LINGO2: variants seen among roughly 807,000 people sequenced by gnomAD.
LINGO2 encodes the protein leucine-rich repeat and immunoglobulin-like domain-containing nogo receptor-interacting protein 2.
In LINGO2, 14 loss-of-function variants were observed where a neutral mutation model predicts 30.6. That is an observed-to-expected ratio of 0.46 (90% confidence interval 0.30 to 0.72). The LOEUF is 0.72. Among genes scored for constraint, LINGO2 ranks in the 30% least tolerant of loss-of-function variants. The pLI is 0.07. For synonymous variants in LINGO2, 317 were observed against 288.5 expected (o/e 1.10, Z -1.00); for missense variants, 729 against 751.7 (o/e 0.97, Z 0.35).
the LINGO2 span, among the ~76,000 whole-genome samples, chr9:29,160,265 A>C: frequency 6.6e-6 from 1 of 152,168 alleles, no homozygotes; most frequent in Admixed American, 6.5e-5. Flanking sequence ...CAGACCCAAT[A>C]TACTTTCCAC....
the LINGO2 span, among the ~76,000 whole-genome samples, chr9:29,015,004 T>C: frequency 1.3e-5 from 2 of 152,172 alleles, no homozygotes; most frequent in African/African-American, 2.4e-5. Flanking sequence ...ACTCTCTTAA[T>C]AGTTTTTAAG....
intron 3 of LINGO2, among the ~76,000 whole-genome samples, chr9:28,313,133 A>G (rs1372938187): frequency 2.0e-5 from 3 of 147,680 alleles, no homozygotes; most frequent in African/African-American, 7.3e-5. Flanking sequence ...TATCGTACAG[A>G]CAGTTTTGTA....
At chr9:29,085,006 G>A in the LINGO2 span, among the ~76,000 whole-genome samples, 1 of 151,670 alleles carries the variant, frequency 6.6e-6, no homozygotes, top group African/African-American at 2.4e-5. Flanking sequence ...GGTTTTTATT[G>A]CTCAATTAGA....
the LINGO2 span, among the ~76,000 whole-genome samples, chr9:28,990,709 T>A: frequency 6.6e-6 from 1 of 152,126 alleles, no homozygotes; most frequent in Non-Finnish European, 1.5e-5. Flanking sequence ...GAAAATCCGC[T>A]GTTCTGCAGC....
At chr9:28,370,246 C>T (rs531218102) in intron 3 of LINGO2, among the ~76,000 whole-genome samples, 7 of 152,282 alleles carry the variant, frequency 4.6e-5, no homozygotes, top group African/African-American at 1.4e-4. Context: ...TCTCTTCAGT[C>T]GCTCTAATGG....
intron 4 of LINGO2, among the ~76,000 whole-genome samples, chr9:28,248,331 A>G (rs905115062): frequency 3.9e-5 from 6 of 152,210 alleles, no homozygotes; most frequent in African/African-American, 1.2e-4. Flanking sequence ...GGAAGTCATT[A>G]TGTTAAGTGA....
At chr9:28,989,913 C>A in the LINGO2 span, among the ~76,000 whole-genome samples, 26 of 152,128 alleles carry the variant, frequency 1.7e-4, no homozygotes, top group Admixed American at 1.2e-3. Context: ...GTGAAGTGAG[C>A]CAAGATGGCA....
At chr9:27,938,617 G>A in the LINGO2 span, 40,954 of 151,956 alleles carry the variant, frequency 0.27, 6,037 homozygotes, top group Middle Eastern at 0.46. Flanking sequence ...GGTCCTTAAC[G>A]CCAGACTTGT....
chr9:28,339,582 C>T (rs1382235681), intron 3 of LINGO2, among the ~76,000 whole-genome samples: 1 of 152,068 alleles, frequency 6.6e-6, no homozygotes, highest in South Asian at 2.1e-4. Flanking sequence ...AACATATTTT[C>T]TGAACCTAAC....
At chr9:28,154,976 T>C (rs1418755465) in intron 4 of LINGO2, among the ~76,000 whole-genome samples, 1 of 152,264 alleles carries the variant, frequency 6.6e-6, no homozygotes, top group East Asian at 1.9e-4. Flanking sequence ...ATATTGCAAC[T>C]GCTGTTGAAT....
chr9:28,703,190 C>G, the LINGO2 span, among the ~76,000 whole-genome samples: 4 of 151,292 alleles, frequency 2.6e-5, no homozygotes, highest in Non-Finnish European at 4.4e-5. Context: ...TTTTTTATAA[C>G]GTTCTAAGGT....
chr9:28,065,468 A>C (rs1825285663), intron 4 of LINGO2, among the ~76,000 whole-genome samples: 1 of 152,106 alleles, frequency 6.6e-6, no homozygotes, highest in Non-Finnish European at 1.5e-5. Context: ...CATAGTAAAA[A>C]CGGGCAGTGA....
At position 28,432,589 on chromosome 9, in the gene LINGO2, T is replaced by A. The variant is rs560684805; in HGVS notation, c.-279+43351A>T. On this transcript the variant is annotated intron_variant, in intron 2 of 5. Coordinates refer to ENST00000379992, the Ensembl canonical transcript of LINGO2. ...GCAATTTACATGTATTAAAAATAAATCTATTCACATGGGTTAATTTGATTG... is the reference window on the plus strand; with the variant it reads ...GCAATTTACATGTATTAAAAATAAAACTATTCACATGGGTTAATTTGATTG... 1.1e-4 allele frequency among the ~76,000 whole-genome samples: 17 copies of A among 152,140 alleles called. No individual in the cohort carries two copies. The East Asian group carries it at 3.1e-3, about 28-fold the overall frequency.
the LINGO2 span, among the ~76,000 whole-genome samples, chr9:28,939,771 G>A: frequency 3.9e-5 from 6 of 152,046 alleles, no homozygotes; most frequent in Non-Finnish European, 8.8e-5. Flanking sequence ...AATGTGCATG[G>A]GATGAGTGAA....
intron 5 of LINGO2, among the ~76,000 whole-genome samples, chr9:27,986,183 G>C (rs566852202): frequency 3.3e-5 from 5 of 150,908 alleles, no homozygotes; most frequent in Non-Finnish European, 1.5e-5. Flanking sequence ...AGCCAGAGAA[G>C]ACAGAAAAGA....
At chr9:28,266,904 G>C (rs1167941323) in intron 4 of LINGO2, among the ~76,000 whole-genome samples, 1 of 151,978 alleles carries the variant, frequency 6.6e-6, no homozygotes, top group Non-Finnish European at 1.5e-5. Context: ...GACAATCGTG[G>C]ACATCTGAAC....
chr9:28,046,912 G>T (rs1824446774), intron 4 of LINGO2, among the ~76,000 whole-genome samples: 1 of 152,054 alleles, frequency 6.6e-6, no homozygotes, highest in Non-Finnish European at 1.5e-5. Context: ...TAAAGAAATT[G>T]TTGTGGAAAC....
chr9:28,568,023 C>T (rs923356817), intron 1 of LINGO2, among the ~76,000 whole-genome samples: 6 of 151,904 alleles, frequency 3.9e-5, no homozygotes, highest in African/African-American at 1.5e-4. Flanking sequence ...TATAGACCAG[C>T]CAGTGAAAAC....
rs576897451 is a variant in LINGO2 at position 28,322,158 on chromosome 9, T to C, written c.-245-26792A>G. ...ATCTTTAGACACATCAAGTTCATAC[T>C]GGCCTTGGGCCTGTGCTCCAACTGT... On this transcript the variant is annotated intron_variant, in intron 3 of 5. Transcript: ENST00000379992. Among the ~76,000 whole-genome samples, 6 of 152,344 alleles carry C rather than the reference T, an allele frequency of 3.9e-5. No homozygotes were observed. In the East Asian group the frequency reaches 1.2e-3, roughly 29 times the overall value.
Sources: allele counts gnomAD v4.1 joint callset (sites outside exome capture counted in the v4.1 genomes callset), GRCh38; gene constraint gnomAD v4.1.1; transcripts MANE v1.5; gene names NCBI Gene and HGNC (gene_info 2026-07-23, HGNC 2026-07-21).